SGCZ: variants seen among roughly 807,000 people sequenced by gnomAD.
SGCZ encodes sarcoglycan zeta.
Under a neutral mutation model 41.3 loss-of-function variants are expected in SGCZ, and 40 were observed. The observed-to-expected ratio is 0.97, with a 90% CI of 0.75 to 1.26. The LOEUF is 1.26. SGCZ is among the 50% of genes most tolerant of loss of function. The pLI, the probability that SGCZ is intolerant of heterozygous loss-of-function variation, is 0.00. For synonymous variants in SGCZ, 206 were observed against 137.5 expected, an observed-to-expected ratio of 1.50 and a Z score of -3.49; for missense variants, 552 against 369.8, an observed-to-expected ratio of 1.49 and a Z score of -4.04.
chr8:14,799,012 A>G (rs1330564420), intron 1 of SGCZ, among the ~76,000 whole-genome samples: 3 of 152,088 alleles, frequency 2.0e-5, no homozygotes, highest in Admixed American at 1.3e-4. Flanking sequence ...CTAAAAAAGC[A>G]AAAGTATTAC....
intron 1 of SGCZ, among the ~76,000 whole-genome samples, chr8:15,138,294 G>T (rs1034770249): frequency 1.3e-5 from 2 of 152,104 alleles, no homozygotes; most frequent in African/African-American, 4.8e-5. Flanking sequence ...TAAGCAAAAG[G>T]GACTTGTCTT....
chr8:14,328,513 G>A (rs1253374079), intron 2 of SGCZ, among the ~76,000 whole-genome samples: 1 of 152,156 alleles, frequency 6.6e-6, no homozygotes, highest in Non-Finnish European at 1.5e-5. Context: ...AAGATTACAT[G>A]AGGATGTAGA....
intron 2 of SGCZ, among the ~76,000 whole-genome samples, chr8:14,442,990 A>T (rs1261235489): frequency 6.6e-6 from 1 of 152,036 alleles, no homozygotes; most frequent in African/African-American, 2.4e-5. Context: ...ATGTACAAAA[A>T]TCACAAGCAT....
intron 1 of SGCZ, among the ~76,000 whole-genome samples, chr8:14,858,121 T>C (rs73664489): frequency 0.04 from 6,096 of 152,102 alleles, 342 homozygotes; most frequent in African/African-American, 0.13. Context: ...TCCAGTGAGT[T>C]TCAAGCTTTT....
intron 1 of SGCZ, among the ~76,000 whole-genome samples, chr8:14,677,459 G>T (rs553336192): frequency 1.3e-5 from 2 of 152,146 alleles, no homozygotes; most frequent in African/African-American, 4.8e-5. Context: ...TCTACATATT[G>T]TTATGAATAA....
intron 1 of SGCZ, among the ~76,000 whole-genome samples, chr8:14,724,004 C>T (rs1208798520): frequency 1.3e-5 from 2 of 151,994 alleles, no homozygotes; most frequent in Non-Finnish European, 2.9e-5. Flanking sequence ...TAGCCTACTG[C>T]AATGAATATT....
chr8:15,099,195 G>T (rs769097931), intron 1 of SGCZ, among the ~76,000 whole-genome samples: 1 of 152,210 alleles, frequency 6.6e-6, no homozygotes, highest in Non-Finnish European at 1.5e-5. Context: ...AATTAATCGT[G>T]TAGTCTTTGT....
At chr8:15,049,401 G>A (rs1804433755) in intron 1 of SGCZ, among the ~76,000 whole-genome samples, 2 of 152,138 alleles carry the variant, frequency 1.3e-5, no homozygotes, top group South Asian at 4.1e-4. Context: ...TGAAGAAGTA[G>A]CAAGAGCAAC....
At chr8:15,065,113 C>A (rs1215644010) in intron 1 of SGCZ, among the ~76,000 whole-genome samples, 3 of 152,124 alleles carry the variant, frequency 2.0e-5, no homozygotes, top group African/African-American at 7.2e-5. Context: ...GGTCTCACTT[C>A]CTGCCTTCCT....
intron 2 of SGCZ, among the ~76,000 whole-genome samples, chr8:14,390,833 T>C (rs1804745470): frequency 6.6e-6 from 1 of 152,060 alleles, no homozygotes; most frequent in Non-Finnish European, 1.5e-5. Flanking sequence ...TAGAAGATTA[T>C]AGAGATATTG....
At chr8:15,065,652 T>C (rs145613256) in intron 1 of SGCZ, among the ~76,000 whole-genome samples, 56 of 151,990 alleles carry the variant, frequency 3.7e-4, no homozygotes, top group African/African-American at 1.3e-3. Context: ...TTGCCCAGGC[T>C]GGTCTCAAAC....
At chr8:14,510,765 G>C (rs751766725) in intron 2 of SGCZ, among the ~76,000 whole-genome samples, 10 of 151,910 alleles carry the variant, frequency 6.6e-5, no homozygotes, top group Non-Finnish European at 1.2e-4. Context: ...AAAACTTGCA[G>C]TTGTGAATCG....
chr8:14,259,350 A>G (rs558914642), intron 3 of SGCZ, among the ~76,000 whole-genome samples: 2 of 151,878 alleles, frequency 1.3e-5, no homozygotes, highest in Non-Finnish European at 2.9e-5. Context: ...TTTTGTTGCC[A>G]TTGCTTTTGG....
chr8:14,383,504 G>A (rs953873246), intron 2 of SGCZ, among the ~76,000 whole-genome samples: 6 of 152,132 alleles, frequency 3.9e-5, no homozygotes, highest in Admixed American at 1.3e-4. Context: ...CAAATAACAC[G>A]ACTAGTAAAA....
At chr8:15,009,025 T>A (rs947261288) in intron 1 of SGCZ, among the ~76,000 whole-genome samples, 1 of 152,172 alleles carries the variant, frequency 6.6e-6, no homozygotes, top group African/African-American at 2.4e-5. Context: ...GCCCAAGCTA[T>A]ACAATTGTCC....
intron 2 of SGCZ, among the ~76,000 whole-genome samples, chr8:14,496,426 G>T (rs1392871128): frequency 6.6e-6 from 1 of 152,136 alleles, no homozygotes. Context: ...ATGAATACAA[G>T]TAGTAAGTAG....
At chr8:14,539,449 C>A (rs972165819) in intron 2 of SGCZ, among the ~76,000 whole-genome samples, 1 of 151,900 alleles carries the variant, frequency 6.6e-6, no homozygotes, top group Non-Finnish European at 1.5e-5. Flanking sequence ...AAGTTTTATT[C>A]TGGGCAACTT....
At chr8:14,939,184 A>G (rs1193949409) in intron 1 of SGCZ, among the ~76,000 whole-genome samples, 1 of 152,172 alleles carries the variant, frequency 6.6e-6, no homozygotes, top group Non-Finnish European at 1.5e-5. Flanking sequence ...GATTCCAATG[A>G]ACACTAACAC....
At chr8:15,161,515 A>G (rs1309391060) in intron 1 of SGCZ, among the ~76,000 whole-genome samples, 1 of 152,134 alleles carries the variant, frequency 6.6e-6, no homozygotes, top group African/African-American at 2.4e-5. Context: ...CTGTATCCTC[A>G]GCAGTGGGCA....
Sources: allele counts gnomAD v4.1 joint callset (sites outside exome capture counted in the v4.1 genomes callset), GRCh38; gene constraint gnomAD v4.1.1; transcripts MANE v1.5; gene names NCBI Gene and HGNC (gene_info 2026-07-23, HGNC 2026-07-21).